Variants in SLC25A33 observed in about 807,000 individuals in gnomAD.
SLC25A33 encodes solute carrier family 25 member 33.
Under a neutral mutation model 35.5 loss-of-function variants are expected in SLC25A33, and 15 were observed. The observed-to-expected ratio is 0.42, with a 90% CI of 0.28 to 0.65. The LOEUF (loss-of-function observed/expected upper bound fraction) is 0.65. Ranked by LOEUF, SLC25A33 falls within the 30% of genes least tolerant of loss-of-function variation. SLC25A33 has a pLI of 0.20. For missense variants in SLC25A33, 257 were observed against 398.5 expected, an observed-to-expected ratio of 0.64 and a Z score of 3.02; for synonymous variants, 136 against 148.7, an observed-to-expected ratio of 0.91 and a Z score of 0.62.
rs550067186 is a variant in SLC25A33, at chr1:9,553,203, G to GTTTTTTTTTTTTTTTTTTTT, written c.57-418_57-399dup. Among the ~76,000 whole-genome samples the GTTTTTTTTTTTTTTTTTTTT allele has an allele frequency of 2.6e-3, 147 of 56,478 alleles. 3 individuals carry two copies. Among genetic ancestry groups the GTTTTTTTTTTTTTTTTTTTT allele is most frequent in the Non-Finnish European group, 3.2e-3 (99 of 30,934 alleles). The allele number at this position is 56,478 out of a possible 152,430, so 37.1% of individuals were successfully genotyped here. A position where few individuals can be genotyped will look rare whatever the true frequency, so the allele number is the denominator to read the frequency against. ...TTAACCTTTATTGTGTTCTAGTTTT[G>GTTTTTTTTTTTTTTTTTTTT]TTTTTTTTTTTTTTTTTTTTTTTTG... On this transcript the variant is annotated intron_variant, in intron 1 of 6. Coordinates refer to ENST00000302692, the MANE Select transcript of SLC25A33 (RefSeq NM_032315.3).
rs982801212 is a variant in SLC25A33, at chr1:9,578,302, C to T, written c.483-1652C>T. 1.3e-4 allele frequency among the ~76,000 whole-genome samples: 20 copies of T among 152,128 alleles called. No individual in the cohort carries two copies. The highest frequency in any genetic ancestry group is 3.6e-4 in the African/African-American group (15 of 41,504). ...CGCTAAGGAGCGGGAACAGTCTATG[C>T]GGAGATAATAAAGAAGGGAGAGAGG... On this transcript the variant is annotated intron_variant, in intron 5 of 6. Transcript: ENST00000302692. This position sits in a 1 kb window ranked among gnomAD's most constrained non-coding sequence, Gnocchi z 4.3.
chr1:9,568,160 G>A (rs2100400282), intron 3 of SLC25A33, among the ~76,000 whole-genome samples: 1 of 152,328 alleles, frequency 6.6e-6, no homozygotes, highest in Admixed American at 6.5e-5. Context: ...ACTGCTTCCA[G>A]GCCGGCTGTG....
intron 5 of SLC25A33, among the ~76,000 whole-genome samples, chr1:9,574,156 A>G (rs1643629506): frequency 7.2e-6 from 1 of 139,204 alleles, no homozygotes; most frequent in Non-Finnish European, 1.5e-5. Context: ...GCAGGGCCTC[A>G]TCTATCACCC....
intron 3 of SLC25A33, 110 bp from the exon 4 acceptor site, chr1:9,570,148 A>G (rs1327903262): frequency 4.5e-6 from 4 of 894,600 alleles, no homozygotes; most frequent in East Asian, 2.6e-5. Context: ...TTTTTAGTAC[A>G]TGGCAGCATC....
At chr1:9,580,378 C>T (rs922597188) in intron 6 of SLC25A33, 144 bp downstream of exon 6, 44 of 1,063,000 alleles carry the variant, frequency 4.1e-5, no homozygotes, top group Non-Finnish European at 5.6e-5. Context: ...CAGCTCTAAC[C>T]GCATGGACAG....
chr1:9,542,927 C>T (rs919802787), intron 1 of SLC25A33, among the ~76,000 whole-genome samples: 19 of 152,086 alleles, frequency 1.2e-4, no homozygotes, highest in African/African-American at 4.1e-4. Context: ...ATTTGATTCG[C>T]GTGCCTCAGC....
intron 4 of SLC25A33, 69 bp from the exon 5 acceptor site, chr1:9,573,277 G>T: frequency 8.9e-7 from 1 of 1,118,942 alleles, no homozygotes; most frequent in South Asian, 1.5e-5. Context: ...TTTATTATAT[G>T]ATAATAGACA....
chr1:9,560,138 G>T (rs1009674114), intron 2 of SLC25A33, among the ~76,000 whole-genome samples: 15 of 151,910 alleles, frequency 9.9e-5, no homozygotes, highest in African/African-American at 3.6e-4. Context: ...TGTAATCCCA[G>T]CTTCTCGGGA....
chr1:9,580,395 C>A (rs931924186), intron 6 of SLC25A33, among the ~76,000 whole-genome samples, 161 bp downstream of exon 6: 1 of 152,188 alleles, frequency 6.6e-6, no homozygotes, highest in Admixed American at 6.5e-5. Context: ...ACAGAGGTCA[C>A]GTGAGTGGTG....
rs377558187 is a variant in SLC25A33, at chr1:9,579,994, C to G, written c.523C>G (p.Arg175Gly). The G allele has an allele frequency of 6.2e-7, 1 of 1,613,436 alleles. No individual in the cohort carries two copies. The highest frequency in any genetic ancestry group is 8.5e-7 in the Non-Finnish European group (1 of 1,179,720). Reference protein sequence around the residue: ...SKQMNTLQCARYVYQTEGIRG... With the variant: ...SKQMNTLQCAGYVYQTEGIRG... ...GCAGATGAATACACTCCAGTGTGCT[C>G]GTTACGTTTACCAGACCGAAGGCAT... Residue 175 changes from arginine (R) to glycine (G), a missense_variant, in exon 6 of 7, where the codon CGT (arginine) becomes GGT (glycine). Arg to Gly is a moderately radical substitution (Grantham distance 125). Transcript: ENST00000302692.
intron 1 of SLC25A33, among the ~76,000 whole-genome samples, chr1:9,541,571 G>T (rs1643082306): frequency 6.6e-6 from 1 of 151,824 alleles, no homozygotes; most frequent in South Asian, 2.1e-4. Flanking sequence ...GATTACAGGC[G>T]TGAGCCACCA....
intron 2 of SLC25A33, among the ~76,000 whole-genome samples, chr1:9,555,898 T>A (rs1166560689): frequency 6.6e-6 from 1 of 152,236 alleles, no homozygotes; most frequent in South Asian, 2.1e-4. Flanking sequence ...TTGGCCAGGC[T>A]GGCCTTGAAC....
At chr1:9,553,464 A>AC (rs763924482) in intron 1 of SLC25A33, among the ~76,000 whole-genome samples, 162 bp from the exon 2 acceptor site, 3 of 150,878 alleles carry the variant, frequency 2.0e-5, no homozygotes, top group African/African-American at 4.9e-5. Flanking sequence ...CGATCTGCTG[A>AC]CCTCGTGATC....
chr1:9,548,935 T>A (rs568232396), intron 1 of SLC25A33, among the ~76,000 whole-genome samples: 3 of 152,302 alleles, frequency 2.0e-5, no homozygotes, highest in Admixed American at 6.5e-5. Flanking sequence ...GAACGGGTTG[T>A]GGGTGTCAAC....
At chr1:9,576,711 C>T in intron 5 of SLC25A33, 1 of 728,220 alleles carries the variant, frequency 1.4e-6, no homozygotes, top group Non-Finnish European at 2.4e-6. Context: ...CTCACTTCCC[C>T]ACCGACATTG....
chr1:9,553,811 T>A lies in SLC25A33; in HGVS notation c.236+6T>A. The A allele has an allele frequency of 6.2e-7, 1 of 1,611,404 alleles. No individual in the cohort carries two copies. Among genetic ancestry groups the A allele is most frequent in the Non-Finnish European group, 8.5e-7 (1 of 1,178,270 alleles). On this transcript the variant is annotated splice_donor_region_variant and intron_variant, in intron 2 of 6. Coordinates refer to ENST00000302692, the MANE Select transcript of SLC25A33 (RefSeq NM_032315.3). ...GGACTCTTTCAGGTTCTGAAGTAAG[T>A]TCAGTCTTGTCTGCTCCTGCCACCT...
intron 4 of SLC25A33, 112 bp from the exon 5 acceptor site, chr1:9,573,232 CTT>C (rs552394274): frequency 7.2e-6 from 5 of 689,884 alleles, no homozygotes; most frequent in African/African-American, 7.2e-5. Context: ...TTCCTACTGT[CTT>C]TTTATTAGGC....
chr1:9,577,124 T>G (rs1643670985), intron 5 of SLC25A33: 1 of 485,922 alleles, frequency 2.1e-6, no homozygotes, highest in African/African-American at 2.0e-5. Flanking sequence ...GAAGAGTCTT[T>G]TGGGCAGAGA....
chr1:9,576,980 G>T, intron 5 of SLC25A33: 1 of 1,213,642 alleles, frequency 8.2e-7, no homozygotes, highest in South Asian at 1.2e-5. Flanking sequence ...GCAGGCTGAT[G>T]AATAAGATCT....
Sources: gnomAD v4.1 joint callset for allele counts (sites outside exome capture counted in the v4.1 genomes callset) on GRCh38, gnomAD v4.1.1 for gene constraint, Gnocchi (gnomAD v3.1) non-coding constraint, MANE v1.5 for transcripts, NCBI Gene and HGNC (gene_info 2026-07-23, HGNC 2026-07-21) for gene names.